Variants in BAMBI observed in about 807,000 individuals in gnomAD.
BAMBI encodes the protein BMP and activin membrane-bound inhibitor homolog.
Under a neutral mutation model 24.1 loss-of-function variants are expected in BAMBI, and 21 were observed. That is an observed-to-expected ratio of 0.87 (90% CI 0.62 to 1.26). The LOEUF (loss-of-function observed/expected upper bound fraction) is 1.26. BAMBI is among the 50% of genes most tolerant of loss of function. The pLI is 0.00. For missense variants in BAMBI, 388 were observed against 329.1 expected, an observed-to-expected ratio of 1.18 and a Z score of -1.38; for synonymous variants, 156 against 123.1, an observed-to-expected ratio of 1.27 and a Z score of -1.77.
chr10:28,681,166 A>G, intron 1 of BAMBI, 92 bp from the exon 2 acceptor site: 6 of 1,363,788 alleles, frequency 4.4e-6, no homozygotes, highest in Non-Finnish European at 6.0e-6. Context: ...CTAAAAGTTC[A>G]TGCCTTTGAA....
chr10:28,677,625 A>T lies in BAMBI; in HGVS notation c.-273A>T, dbSNP rs900556184. The T allele has an allele frequency of 8.8e-6, 2 of 228,076 alleles. No homozygotes were observed. Among genetic ancestry groups the T allele is most frequent in the Non-Finnish European group, 1.7e-5 (2 of 118,476 alleles). The allele number at this position is 228,076 out of a possible 1,614,324, so 14.1% of individuals were successfully genotyped here. ...AGCGGGGACTGAAGGCCGGGAGCCC[A>T]CTCCCGACCCGGGGCTAGCGTGCGT... On this transcript the variant is annotated 5_prime_UTR_variant, in exon 1 of 3. Transcript: ENST00000375533.
Position 28,677,785 on chromosome 10 carries a change from G to A in BAMBI, c.-113G>A, listed in dbSNP as rs935147589. 4 of 672,934 alleles carry A rather than the reference G, an allele frequency of 5.9e-6. No homozygotes were observed. Among genetic ancestry groups the A allele is most frequent in the Non-Finnish European group, 8.1e-6 (4 of 495,460 alleles). 41.7% of individuals were successfully genotyped at this position (672,934 alleles called of 1,614,324 possible). The stretch of plus-strand genomic sequence containing the variant: ...CCCGAAACCCAGCCCCGCCGCTGAC[G>A]GCGCCCGCCGCTCCGGGCAGGGCCC... On this transcript the variant is annotated 5_prime_UTR_variant, in exon 1 of 3. Coordinates refer to ENST00000375533, the MANE Select transcript of BAMBI (RefSeq NM_012342.3).
Position 28,677,987 on chromosome 10 carries a change from G to A in BAMBI, c.76+14G>A, listed in dbSNP as rs1313075548. On this transcript the variant is annotated intron_variant, in intron 1 of 2. Coordinates refer to ENST00000375533, the MANE Select transcript of BAMBI (RefSeq NM_012342.3). ...TGCTCACCAAAGGTGGGTGCCGGGG[G>A]CGCACGGGGCCCGGGGTCCCGTCCT... The A allele has an allele frequency of 6.6e-7, 1 of 1,513,112 alleles. No individual in the cohort carries two copies. The highest frequency in any genetic ancestry group is 2.0e-5 in the Admixed American group (1 of 49,918). 93.7% of individuals were successfully genotyped at this position (1,513,112 alleles called of 1,614,324 possible).
Position 28,677,945 on chromosome 10 carries a change from C to G in BAMBI, c.48C>G (p.Leu16=). Residue 16 remains leucine, a synonymous_variant, in exon 1 of 3, where the codon CTC becomes CTG. Coordinates refer to ENST00000375533, the MANE Select transcript of BAMBI (RefSeq NM_012342.3). ...SYIFIWLQLE[L]CAMAVLLTKG... ...TCTTCATCTGGCTGCAGCTGGAGCTCTGCGCCATGGCCGTGCTGCTCACCA... is the reference window on the plus strand; with the variant it reads ...TCTTCATCTGGCTGCAGCTGGAGCTGTGCGCCATGGCCGTGCTGCTCACCA... The G allele has an allele frequency of 6.5e-7, 1 of 1,535,454 alleles. No individual in the cohort carries two copies. The highest frequency in any genetic ancestry group is 8.7e-7 in the Non-Finnish European group (1 of 1,147,678).
intron 2 of BAMBI, 27 bp downstream of exon 2, chr10:28,681,572 A>ATG: frequency 6.2e-7 from 1 of 1,607,032 alleles, no homozygotes; most frequent in Non-Finnish European, 8.5e-7. Context: ...TCTAACCAGA[A>ATG]TGCCTGCCTG....
Position 28,682,236 on chromosome 10 carries a change from G to T in BAMBI, c.618G>T (p.Gly206=), listed in dbSNP as rs751315477. 3 of 1,614,160 alleles carry T rather than the reference G, an allele frequency of 1.9e-6. No individual in the cohort carries two copies. The highest frequency in any genetic ancestry group is 2.5e-6 in the Non-Finnish European group (3 of 1,180,038). ...YSFHGHHSKK[G]QVAKLDLECM... Reference sequence around the variant, plus strand: ...TTCACGGACACCATTCCAAAAAGGGGCAGGTTGCAAAGTTAGACTTGGAAT... The same window carrying T: ...TTCACGGACACCATTCCAAAAAGGGTCAGGTTGCAAAGTTAGACTTGGAAT... Residue 206 remains glycine, a synonymous_variant, in exon 3 of 3, where the codon GGG becomes GGT. Transcript: ENST00000375533.
Position 28,677,919 on chromosome 10 carries a change from A to T in BAMBI, c.22A>T (p.Ile8Phe). 6.5e-7 allele frequency: 1 copy of T among 1,529,498 alleles called. No individual in the cohort carries two copies. Among genetic ancestry groups the T allele is most frequent in the African/African-American group, 1.4e-5 (1 of 71,482 alleles). 94.7% of individuals were successfully genotyped at this position (1,529,498 alleles called of 1,614,324 possible). ...GTCAATGGATCGCCACTCCAGCTAC[A>T]TCTTCATCTGGCTGCAGCTGGAGCT... MDRHSSYIFIWLQLELCA... is the reference protein window; with the variant it reads MDRHSSYFFIWLQLELCA... The change falls in exon 1 of 3, where the codon ATC (isoleucine) becomes TTC (phenylalanine). Residue 8 changes from isoleucine to phenylalanine, a missense_variant. Coordinates refer to ENST00000375533, the MANE Select transcript of BAMBI (RefSeq NM_012342.3).
At position 28,682,594 on chromosome 10, in the gene BAMBI, T is replaced by G. The variant is rs1834511987; in HGVS notation, c.*193T>G. The G allele has an allele frequency of 2.1e-6, 1 of 483,740 alleles. No individual in the cohort carries two copies. The highest frequency in any genetic ancestry group is 3.2e-6 in the Non-Finnish European group (1 of 308,074). 30.0% of individuals were successfully genotyped at this position (483,740 alleles called of 1,614,324 possible). On this transcript the variant is annotated 3_prime_UTR_variant, in exon 3 of 3. Transcript: ENST00000375533. ...CTTAAATACAGTTAAATGTGTTATT[T>G]GCTTTTAAAATTATAAAAAGCAAAG...
chr10:28,682,681 C>T lies in BAMBI; in HGVS notation c.*280C>T, dbSNP rs1472554237. ...CATCCAAGGGAGCTGGAATTGAGTA[C>T]CTAAATAAACAAAAATGTGCCCTAT... On this transcript the variant is annotated 3_prime_UTR_variant, in exon 3 of 3. Transcript: ENST00000375533. The T allele has an allele frequency of 1.3e-5, 4 of 304,676 alleles. No individual in the cohort carries two copies. Among genetic ancestry groups the T allele is most frequent in the African/African-American group, 2.1e-5 (1 of 46,842 alleles). The allele number at this position is 304,676 out of a possible 1,614,324, so 18.9% of individuals were successfully genotyped here.
Position 28,682,277 on chromosome 10 carries a change from G to C in BAMBI, c.659G>C (p.Ser220Thr), listed in dbSNP as rs998923608. 6.2e-7 allele frequency: 1 copy of C among 1,614,040 alleles called. No individual in the cohort carries two copies. ...KLDLECMVPV[S>T]GHENCCLTCD... ...GACTTGGAATGCATGGTGCCGGTCAGTGGGCACGAGAACTGCTGTCTGACC... is the reference window on the plus strand; with the variant it reads ...GACTTGGAATGCATGGTGCCGGTCACTGGGCACGAGAACTGCTGTCTGACC... The change falls in exon 3 of 3, where the codon AGT becomes ACT. Residue 220 changes from serine to threonine, a missense_variant. Coordinates refer to ENST00000375533, the MANE Select transcript of BAMBI (RefSeq NM_012342.3).
chr10:28,681,228 G>A, intron 1 of BAMBI, 30 bp from the exon 2 acceptor site: 1 of 1,599,502 alleles, frequency 6.3e-7, no homozygotes, highest in Non-Finnish European at 8.5e-7. Context: ...CTCTGGAGCA[G>A]AGTTTGAGGT....
In BAMBI at chr10:28,682,429, G is replaced by A. The variant is rs1323968922; in HGVS notation, c.*28G>A. The stretch of plus-strand genomic sequence containing the variant: ...GAGTCTTATCTGAACTACACTTACT[G>A]AACAGCTTGAAGGCCTTTTGAGTTC... On this transcript the variant is annotated 3_prime_UTR_variant, in exon 3 of 3. Coordinates refer to ENST00000375533, the MANE Select transcript of BAMBI (RefSeq NM_012342.3). 6.3e-7 allele frequency: 1 copy of A among 1,582,766 alleles called. No individual in the cohort carries two copies. Among genetic ancestry groups the A allele is most frequent in the East Asian group, 2.3e-5 (1 of 44,354 alleles).
rs571227675 is a variant in BAMBI, at chr10:28,682,709, A to G, written c.*308A>G. ...AAATAAACAAAAATGTGCCCTATGT[A>G]AGCTTCTACATCTTGATTTATTGTA... On this transcript the variant is annotated 3_prime_UTR_variant, in exon 3 of 3. Coordinates refer to ENST00000375533, the MANE Select transcript of BAMBI (RefSeq NM_012342.3). The G allele has an allele frequency of 6.0e-4, 150 of 250,992 alleles. 1 individual carries two copies. The highest frequency in any genetic ancestry group is 6.7e-4 in the Non-Finnish European group (88 of 131,020). 15.5% of individuals were successfully genotyped at this position (250,992 alleles called of 1,614,324 possible). A position where few individuals can be genotyped will look rare whatever the true frequency, so the allele number is the denominator to read the frequency against.
At position 28,682,078 on chromosome 10, in the gene BAMBI, G is replaced by A. The variant is rs761836730; in HGVS notation, c.460G>A (p.Val154Ile). ...CAAAGAGTTGTGGTTCCGGGCAGCGGTCATTGCCGTGCCCATTGCTGGAGG... is the reference window on the plus strand; with the variant it reads ...CAAAGAGTTGTGGTTCCGGGCAGCGATCATTGCCGTGCCCATTGCTGGAGG... ...SSKELWFRAAVIAVPIAGGLI... is the reference protein window; with the variant it reads ...SSKELWFRAAIIAVPIAGGLI... Residue 154 changes from valine (V) to isoleucine (I), a missense_variant, in exon 3 of 3, where the codon GTC becomes ATC. By Grantham distance (29) the Val-to-Ile change is conservative (BLOSUM62 3). Coordinates refer to ENST00000375533, the MANE Select transcript of BAMBI (RefSeq NM_012342.3). 1.9e-6 allele frequency: 3 copies of A among 1,614,110 alleles called. No homozygotes were observed. The highest frequency in any genetic ancestry group is 3.3e-5 in the Admixed American group (2 of 60,010).
In BAMBI at chr10:28,682,412, TC is replaced by T; in HGVS notation, c.*12del. The stretch of plus-strand genomic sequence containing the variant: ...CTGGAATTCGTATGACGGAGTCTTA[TC>T]TGAACTACACTTACTGAACAGCTTG... On this transcript the variant is annotated 3_prime_UTR_variant, in exon 3 of 3. Coordinates refer to ENST00000375533, the MANE Select transcript of BAMBI (RefSeq NM_012342.3). 1 of 1,605,170 alleles carries T rather than the reference TC, an allele frequency of 6.2e-7. No individual in the cohort carries two copies. The highest frequency in any genetic ancestry group is 8.5e-7 in the Non-Finnish European group (1 of 1,173,356).
rs1288035038 is a variant in BAMBI, at chr10:28,677,942, G to C, written c.45G>C (p.Glu15Asp). Reference protein sequence around the residue: ...SSYIFIWLQLELCAMAVLLTK... With the variant: ...SSYIFIWLQLDLCAMAVLLTK... ...ACATCTTCATCTGGCTGCAGCTGGA[G>C]CTCTGCGCCATGGCCGTGCTGCTCA... is the stretch of plus-strand genomic sequence containing the variant. Residue 15 changes from glutamate (E) to aspartate (D), a missense_variant, in exon 1 of 3, where the codon GAG becomes GAC. Physicochemically the swap from Glu to Asp is conservative, Grantham distance 45 (BLOSUM62 2). Coordinates refer to ENST00000375533, the MANE Select transcript of BAMBI (RefSeq NM_012342.3). The C allele has an allele frequency of 1.3e-6, 2 of 1,535,384 alleles. No homozygotes were observed. Among genetic ancestry groups the C allele is most frequent in the East Asian group, 2.5e-5 (1 of 40,556 alleles).
At chr10:28,678,008 G>T in intron 1 of BAMBI, 35 bp downstream of exon 1, 5 of 1,496,604 alleles carry the variant, frequency 3.3e-6, no homozygotes, top group Non-Finnish European at 4.4e-6. Flanking sequence ...CCGGGGTCCC[G>T]TCCTCGCCGC....
At chr10:28,681,932 C>A in intron 2 of BAMBI, 51 bp from the exon 3 acceptor site, 1 of 1,478,740 alleles carries the variant, frequency 6.8e-7, no homozygotes, top group Non-Finnish European at 9.2e-7. Context: ...TTATGAATAT[C>A]CCTAGGAGGA....
intron 1 of BAMBI, among the ~76,000 whole-genome samples, chr10:28,678,906 GA>G (rs1480232519): frequency 6.6e-6 from 1 of 151,500 alleles, no homozygotes; most frequent in East Asian, 1.9e-4. Flanking sequence ...AACTGTCTCC[GA>G]ATTTCAAGGT....
Sources: allele counts gnomAD v4.1 joint callset (sites outside exome capture counted in the v4.1 genomes callset), GRCh38; gene constraint gnomAD v4.1.1; transcripts MANE v1.5; gene names NCBI Gene and HGNC (gene_info 2026-07-23, HGNC 2026-07-21).